SLC41A1: variants seen among roughly 807,000 people sequenced by gnomAD.
SLC41A1 encodes solute carrier family 41 member 1, also known as solute carrier family 41 (magnesium transporter), member 1.
SLC41A1 carries 20 observed loss-of-function variants against 47.3 expected under a neutral mutation model. The ratio of observed to expected loss-of-function variants is 0.42; its 90% CI spans 0.30 to 0.61. SLC41A1 has a LOEUF of 0.61. SLC41A1 is among the 20% of genes least tolerant of loss of function. The pLI is 0.17. For synonymous variants in SLC41A1, 282 were observed against 272.7 expected (o/e 1.03, Z -0.34); for missense variants, 504 against 674.1 (o/e 0.75, Z 2.79).
intron 2 of SLC41A1, among the ~76,000 whole-genome samples, chr1:205,803,336 G>C (rs1172052438): frequency 6.6e-6 from 1 of 152,148 alleles, no homozygotes; most frequent in Non-Finnish European, 1.5e-5. Context: ...CAAAAGAATA[G>C]AAAGCAAGGT....
At chr1:205,806,221 G>A (rs1017162209) in intron 2 of SLC41A1, among the ~76,000 whole-genome samples, 33 of 152,208 alleles carry the variant, frequency 2.2e-4, no homozygotes, top group African/African-American at 7.5e-4. Flanking sequence ...GGACAGAGAT[G>A]GGAAAAGCAG....
Position 205,791,794 on chromosome 1 carries a change from A to C in SLC41A1, c.1357-76T>G. The C allele has an allele frequency of 3.2e-6, 5 of 1,554,712 alleles. No individual in the cohort carries two copies. Among genetic ancestry groups the C allele is most frequent in the Non-Finnish European group, 4.4e-6 (5 of 1,139,684 alleles). On this transcript the variant is annotated intron_variant, in intron 10 of 10. Transcript: ENST00000367137. The surrounding 1 kb of genome is among the most constrained non-coding windows in gnomAD (Gnocchi z 4.0). ...AGCCAGAGGCCACATGATCAGACCC[A>C]TTCAGTGCATCACAGGGCTTGGCTG...
chr1:205,791,665 C>T lies in SLC41A1; in HGVS notation c.1410G>A (p.Arg470=), dbSNP rs1231215779. 1 of 1,614,044 alleles carries T rather than the reference C, an allele frequency of 6.2e-7. No individual in the cohort carries two copies. Among genetic ancestry groups the T allele is most frequent in the Admixed American group, 1.7e-5 (1 of 60,008 alleles). The change falls in exon 11 of 11, where the codon CGG becomes CGA. Residue 470 remains arginine, a synonymous_variant. Coordinates refer to ENST00000367137, the MANE Select transcript of SLC41A1 (RefSeq NM_173854.6). The surrounding 1 kb of genome is among the most constrained non-coding windows in gnomAD (Gnocchi z 4.0). ...TGGAGAAGTTGTCCGGGTCCAGGCC[C>T]CGGCCCCACATCCAGTGCACCATCC... ...ADWMVHWMWG[R]GLDPDNFSIP...
chr1:205,795,392 G>A lies in SLC41A1; in HGVS notation c.1159C>T (p.Gln387Ter). 2 of 1,614,198 alleles carry A rather than the reference G, an allele frequency of 1.2e-6. No individual in the cohort carries two copies. The highest frequency in any genetic ancestry group is 1.7e-6 in the Non-Finnish European group (2 of 1,180,038). Residue 387 changes from glutamine (Q) to a stop codon, truncating the protein, a stop_gained, in exon 9 of 11, where the codon CAA becomes TAA. Transcript: ENST00000367137. LOFTEE classifies it high-confidence loss of function. The part of the protein sequence containing the change: ...MNGMPGENSE[Q>*]APRRCPSPCT... ...GGACTGGGACAGCGGCGAGGAGCTT[G>A]CTCAGAGTTCTCTCCGGGCATTCCA...
chr1:205,799,260 T>C (rs1299017134), intron 4 of SLC41A1, among the ~76,000 whole-genome samples, 159 bp from the exon 5 acceptor site: 1 of 151,856 alleles, frequency 6.6e-6, no homozygotes, highest in Non-Finnish European at 1.5e-5. Context: ...GATGTCTTTA[T>C]TTATTTAGGT....
At position 205,795,498 on chromosome 1, in the gene SLC41A1, C is replaced by T; in HGVS notation, c.1073-20G>A. 6.2e-7 allele frequency: 1 copy of T among 1,614,080 alleles called. No individual in the cohort carries two copies. The stretch of plus-strand genomic sequence containing the variant: ...CAACACCTGCAGAGACACATACGGG[C>T]TTAGACACAGACAGAGGTCAGAGGG... On this transcript the variant is annotated intron_variant, in intron 8 of 10. Coordinates refer to ENST00000367137, the MANE Select transcript of SLC41A1 (RefSeq NM_173854.6).
rs1010779645 is a variant in SLC41A1 at position 205,790,318 on chromosome 1, T to C, written c.*1215A>G. On this transcript the variant is annotated 3_prime_UTR_variant, in exon 11 of 11. Coordinates refer to ENST00000367137, the MANE Select transcript of SLC41A1 (RefSeq NM_173854.6). ...CCCTTACCACTGGCTTATCAGTGCC[T>C]GGCACAGTACCTAACACATAGTAGG... 3 of 152,272 alleles carry C rather than the reference T, an allele frequency of 2.0e-5. No individual in the cohort carries two copies. The highest frequency in any genetic ancestry group is 2.9e-5 in the Non-Finnish European group (2 of 68,056). The allele number at this position is 152,272 out of a possible 1,614,324, so 9.4% of individuals were successfully genotyped here. A position where few individuals can be genotyped will look rare whatever the true frequency, so the allele number is the denominator to read the frequency against.
rs573012425 is a variant in SLC41A1, at chr1:205,808,298, C to T, written c.372+1772G>A. 3.9e-5 allele frequency among the ~76,000 whole-genome samples: 6 copies of T among 152,254 alleles called. 1 individual carries two copies. In the South Asian group the frequency reaches 1.0e-3, roughly 26 times the overall value. On this transcript the variant is annotated intron_variant, in intron 2 of 10. Transcript: ENST00000367137. ...ACCAACTGGTGAACCATGGCCATGG[C>T]GAAGGCCACAGGGGTTAGTGGTGTG...
At chr1:205,795,266 C>T in intron 9 of SLC41A1, 78 bp downstream of exon 9, 2 of 1,607,462 alleles carry the variant, frequency 1.2e-6, no homozygotes, top group Non-Finnish European at 1.7e-6. Context: ...ATCTGGGGCC[C>T]CAGCTGTCTC....
chr1:205,807,330 T>C (rs823078), intron 2 of SLC41A1, among the ~76,000 whole-genome samples: 129,322 of 152,108 alleles, frequency 0.85, 56,032 homozygotes, highest in Non-Finnish European at 0.94. Context: ...GACAAACCTG[T>C]CATTGTCATC....
Position 205,791,162 on chromosome 1 carries a change from G to A in SLC41A1, c.*371C>T, listed in dbSNP as rs1571636023. Reference sequence around the variant, plus strand: ...AAGAAAACAAAACCAAAAATCCAGAGCCCACTTACAAAGGGTTTCTCATTA... The same window carrying A: ...AAGAAAACAAAACCAAAAATCCAGAACCCACTTACAAAGGGTTTCTCATTA... On this transcript the variant is annotated 3_prime_UTR_variant, in exon 11 of 11. Transcript: ENST00000367137. This position sits in a 1 kb window ranked among gnomAD's most constrained non-coding sequence, Gnocchi z 4.0. The A allele has an allele frequency of 1.1e-5, 3 of 285,036 alleles. No homozygotes were observed. Among genetic ancestry groups the A allele is most frequent in the Non-Finnish European group, 2.0e-5 (3 of 148,026 alleles). 17.7% of individuals were successfully genotyped at this position (285,036 alleles called of 1,614,324 possible). A position where few individuals can be genotyped will look rare whatever the true frequency, so the allele number is the denominator to read the frequency against.
At chr1:205,799,900 C>T in intron 3 of SLC41A1, 70 bp from the exon 4 acceptor site, 1 of 1,331,220 alleles carries the variant, frequency 7.5e-7, no homozygotes, top group Non-Finnish European at 1.1e-6. Flanking sequence ...CATTAGGCTC[C>T]TGCCTAGATC....
At chr1:205,800,448 G>C (rs1455141747) in intron 3 of SLC41A1, among the ~76,000 whole-genome samples, 1 of 152,214 alleles carries the variant, frequency 6.6e-6, no homozygotes, top group Non-Finnish European at 1.5e-5. Context: ...CACAACTGTG[G>C]GAGGTAGGAA....
At chr1:205,801,147 G>C (rs943130268) in intron 2 of SLC41A1, 87 bp from the exon 3 acceptor site, 14 of 1,066,646 alleles carry the variant, frequency 1.3e-5, no homozygotes, top group East Asian at 2.4e-5. Flanking sequence ...TCAGGGGCTC[G>C]AGGAGGAAAT....
intron 2 of SLC41A1, 85 bp downstream of exon 2, chr1:205,809,985 G>A: frequency 6.3e-7 from 1 of 1,581,638 alleles, no homozygotes; most frequent in Non-Finnish European, 8.6e-7. Flanking sequence ...CTTCTGACAG[G>A]GAGGTAGAGA....
intron 2 of SLC41A1, among the ~76,000 whole-genome samples, chr1:205,801,746 G>A (rs572822077): frequency 7.2e-5 from 11 of 152,304 alleles, no homozygotes; most frequent in African/African-American, 1.9e-4. Context: ...GCCCTGGACC[G>A]GGAGTCAGGA....
At chr1:205,801,105 G>A (rs1329352128) in intron 2 of SLC41A1, 45 bp from the exon 3 acceptor site, 1 of 1,532,760 alleles carries the variant, frequency 6.5e-7, no homozygotes, top group Non-Finnish European at 9.0e-7. Flanking sequence ...GCCCCAAAGG[G>A]CGGGCATTGA....
At chr1:205,794,574 C>T (rs113095307) in intron 10 of SLC41A1, among the ~76,000 whole-genome samples, 1 of 152,106 alleles carries the variant, frequency 6.6e-6, no homozygotes, top group African/African-American at 2.4e-5. Flanking sequence ...ACCCCACAGG[C>T]TCAGCATCCT....
intron 2 of SLC41A1, among the ~76,000 whole-genome samples, chr1:205,808,106 C>A (rs1656057895): frequency 6.6e-6 from 1 of 152,170 alleles, no homozygotes; most frequent in South Asian, 2.1e-4. Flanking sequence ...AGGTGCCTGC[C>A]ACCATGCCCA....
Sources: allele counts gnomAD v4.1 joint callset (sites outside exome capture counted in the v4.1 genomes callset), GRCh38; gene constraint gnomAD v4.1.1; non-coding constraint Gnocchi (gnomAD v3.1); transcripts MANE v1.5; gene names NCBI Gene and HGNC (gene_info 2026-07-23, HGNC 2026-07-21).